SLC7A6: variants seen among roughly 807,000 people sequenced by gnomAD.
The protein encoded by SLC7A6 is solute carrier family 7 member 6, also known as Y+L amino acid transporter 2.
In SLC7A6, 29 loss-of-function variants were observed where a neutral mutation model predicts 46.6. The ratio of observed to expected loss-of-function variants is 0.62; its 90% confidence interval spans 0.46 to 0.85. The LOEUF (loss-of-function observed/expected upper bound fraction) is 0.85. Ranked by LOEUF, SLC7A6 falls within the 40% of genes least tolerant of loss-of-function variation. The pLI is 0.00. For synonymous variants in SLC7A6, 276 were observed against 257.3 expected (o/e 1.07, Z -0.70); for missense variants, 527 against 647.6 (o/e 0.81, Z 2.02).
chr16:68,292,549 A>G (rs1295898885), intron 7 of SLC7A6: 1 of 152,004 alleles, frequency 6.6e-6, no homozygotes, highest in Non-Finnish European at 1.5e-5. Flanking sequence ...TTTTTTAGAG[A>G]TTGGGGTCTC....
In SLC7A6 at chr16:68,298,255, C is replaced by G. The variant is rs575844724; in HGVS notation, c.*927C>G. On this transcript the variant is annotated 3_prime_UTR_variant, in exon 11 of 11. Coordinates refer to ENST00000219343, the MANE Select transcript of SLC7A6 (RefSeq NM_003983.6). ...ACAGTAAATCTCTGGGTTTCTGTTACGAACTCTAAGAGGGCTGAAACTTCT... is the reference window on the plus strand; with the variant it reads ...ACAGTAAATCTCTGGGTTTCTGTTAGGAACTCTAAGAGGGCTGAAACTTCT... 6 of 152,582 alleles carry G rather than the reference C, an allele frequency of 3.9e-5. No individual in the cohort carries two copies. The highest frequency in any genetic ancestry group is 8.8e-5 in the Non-Finnish European group (6 of 68,018). The allele number at this position is 152,582 out of a possible 1,614,324, so 9.5% of individuals were successfully genotyped here. A position where few individuals can be genotyped will look rare whatever the true frequency, so the allele number is the denominator to read the frequency against.
intron 3 of SLC7A6, chr16:68,284,669 GT>G: frequency 3.0e-6 from 3 of 984,986 alleles, no homozygotes; most frequent in Non-Finnish European, 3.6e-6. Flanking sequence ...GGTCTGAGGA[GT>G]GTATCAGCTT....
Position 68,300,258 on chromosome 16 carries a change from A to G in SLC7A6, c.*2930A>G, listed in dbSNP as rs1273066529. The G allele has an allele frequency of 6.6e-6, 1 of 152,272 alleles. No homozygotes were observed. The highest frequency in any genetic ancestry group is 1.5e-5 in the Non-Finnish European group (1 of 68,046). The allele number at this position is 152,272 out of a possible 1,614,324, so 9.4% of individuals were successfully genotyped here. On this transcript the variant is annotated 3_prime_UTR_variant, in exon 11 of 11. Transcript: ENST00000219343. Reference sequence around the variant, plus strand: ...CAGCCACCCGTGTCTACTACTACACAGTGCAGACACAGAACATATCATCAC... The same window carrying G: ...CAGCCACCCGTGTCTACTACTACACGGTGCAGACACAGAACATATCATCAC...
intron 3 of SLC7A6, among the ~76,000 whole-genome samples, chr16:68,278,905 C>G (rs1163883018): frequency 6.6e-6 from 1 of 152,150 alleles, no homozygotes; most frequent in Non-Finnish European, 1.5e-5. Context: ...AGGCGCCCCC[C>G]ACCTCCCGGA....
Position 68,297,433 on chromosome 16 carries a change from C to A in SLC7A6, c.*105C>A. 1 of 935,284 alleles carries A rather than the reference C, an allele frequency of 1.1e-6. No homozygotes were observed. Among genetic ancestry groups the A allele is most frequent in the Non-Finnish European group, 1.6e-6 (1 of 609,360 alleles). 57.9% of individuals were successfully genotyped at this position (935,284 alleles called of 1,614,324 possible). On this transcript the variant is annotated 3_prime_UTR_variant, in exon 11 of 11. Transcript: ENST00000219343. ...CTCCTGAATTAAAGGAGCCTTTTGA[C>A]CCAATCATATAGTGGGGCTCAGGGC...
intron 8 of SLC7A6, among the ~76,000 whole-genome samples, chr16:68,295,327 T>C (rs1403050659): frequency 6.6e-6 from 1 of 152,238 alleles, no homozygotes; most frequent in Non-Finnish European, 1.5e-5. Flanking sequence ...TATTCGTTTA[T>C]TTGTCTTGAT....
intron 4 of SLC7A6, 49 bp downstream of exon 4, chr16:68,287,920 G>A (rs370887651): frequency 1.4e-4 from 227 of 1,601,110 alleles, no homozygotes; most frequent in Non-Finnish European, 1.5e-4. Flanking sequence ...TGGATTCCCT[G>A]AGGAGAACAT....
chr16:68,289,873 T>C (rs2043012660), intron 4 of SLC7A6, among the ~76,000 whole-genome samples: 1 of 150,986 alleles, frequency 6.6e-6, no homozygotes, highest in South Asian at 2.1e-4. Flanking sequence ...CCCATGAGGC[T>C]GATAAACCCA....
intron 3 of SLC7A6, among the ~76,000 whole-genome samples, chr16:68,275,879 A>G (rs2042703241): frequency 6.6e-6 from 1 of 152,048 alleles, no homozygotes; most frequent in African/African-American, 2.4e-5. Context: ...GATTGAAGTC[A>G]ACATTGCTAG....
rs183806849 is a variant in SLC7A6, at chr16:68,301,027, G to A, written c.*3699G>A. On this transcript the variant is annotated 3_prime_UTR_variant, in exon 11 of 11. Transcript: ENST00000219343. ...CTAAAGAAACCTTCCTTTTTTCAAC[G>A]TTTTTTTTTCTTTCAAACTGTAGGG... 2.6e-6 allele frequency: 3 copies of A among 1,145,430 alleles called. No homozygotes were observed. Among genetic ancestry groups the A allele is most frequent in the Non-Finnish European group, 2.1e-6 (2 of 933,088 alleles). 71.0% of individuals were successfully genotyped at this position (1,145,430 alleles called of 1,614,324 possible). A position where few individuals can be genotyped will look rare whatever the true frequency, so the allele number is the denominator to read the frequency against.
At chr16:68,293,791 C>T (rs1296268574) in intron 7 of SLC7A6, among the ~76,000 whole-genome samples, 1 of 152,252 alleles carries the variant, frequency 6.6e-6, no homozygotes, top group East Asian at 1.9e-4. Flanking sequence ...CTTTGCATCT[C>T]TCCTCTTGCA....
Position 68,301,668 on chromosome 16 carries a change from AT to A in SLC7A6, c.*4346del. On this transcript the variant is annotated 3_prime_UTR_variant, in exon 11 of 11. Coordinates refer to ENST00000219343, the MANE Select transcript of SLC7A6 (RefSeq NM_003983.6). ...TTGTCACTTCTCCCCTCCGTATAGG[AT>A]TTTTTGTTGTTGTAAGAGTTGTAGT... The A allele has an allele frequency of 3.6e-6, 1 of 280,358 alleles. No individual in the cohort carries two copies. Among genetic ancestry groups the A allele is most frequent in the Non-Finnish European group, 6.6e-6 (1 of 151,882 alleles). The allele number at this position is 280,358 out of a possible 1,614,324, so 17.4% of individuals were successfully genotyped here.
At chr16:68,286,704 C>A (rs534024794) in intron 3 of SLC7A6, among the ~76,000 whole-genome samples, 6 of 152,286 alleles carry the variant, frequency 3.9e-5, no homozygotes, top group South Asian at 4.1e-4. Flanking sequence ...CCAGATGTCA[C>A]TGAAGTGTGT....
At chr16:68,280,757 CAG>C (rs1491094526) in intron 3 of SLC7A6, among the ~76,000 whole-genome samples, 8 of 149,144 alleles carry the variant, frequency 5.4e-5, no homozygotes, top group South Asian at 2.1e-4. Flanking sequence ...TTTTTTGAGA[CAG>C]AGTCTTGCTC....
chr16:68,268,216 G>A (rs2042568053), intron 2 of SLC7A6, among the ~76,000 whole-genome samples: 2 of 152,220 alleles, frequency 1.3e-5, no homozygotes, highest in African/African-American at 4.8e-5. Flanking sequence ...TTTGTGCCAG[G>A]TATCCTGTTG....
chr16:68,272,379 T>A (rs768834328), intron 2 of SLC7A6, among the ~76,000 whole-genome samples: 1 of 152,186 alleles, frequency 6.6e-6, no homozygotes, highest in Non-Finnish European at 1.5e-5. Flanking sequence ...CAGTGAGCTA[T>A]GATTGCATGA....
chr16:68,276,045 G>A (rs1460126844), intron 3 of SLC7A6, among the ~76,000 whole-genome samples: 2 of 152,198 alleles, frequency 1.3e-5, no homozygotes, highest in African/African-American at 4.8e-5. Flanking sequence ...GAGTCCTACG[G>A]TGTTAAACTT....
Position 68,297,647 on chromosome 16 carries a change from G to A in SLC7A6, c.*319G>A, listed in dbSNP as rs561511938. 1.2e-4 allele frequency: 26 copies of A among 220,578 alleles called. No homozygotes were observed. The Admixed American group carries it at 1.3e-3, about 11-fold the overall frequency. The allele number at this position is 220,578 out of a possible 1,614,324, so 13.7% of individuals were successfully genotyped here. ...GTGCAGTGGGGAAGAGGGAATGCTA[G>A]GTTGATAGGGCTGGTGGCTTCTGAA... On this transcript the variant is annotated 3_prime_UTR_variant, in exon 11 of 11. Coordinates refer to ENST00000219343, the MANE Select transcript of SLC7A6 (RefSeq NM_003983.6).
At chr16:68,268,139 GA>G (rs1467635137) in intron 2 of SLC7A6, among the ~76,000 whole-genome samples, 2 of 152,320 alleles carry the variant, frequency 1.3e-5, no homozygotes, top group East Asian at 3.9e-4. Context: ...CAAATTAATT[GA>G]ACTGAAAGAG....
Sources: gnomAD v4.1 joint callset for allele counts (sites outside exome capture counted in the v4.1 genomes callset) on GRCh38, gnomAD v4.1.1 for gene constraint, MANE v1.5 for transcripts, NCBI Gene and HGNC (gene_info 2026-07-23, HGNC 2026-07-21) for gene names.